The following FANCI variants were observed in gnomAD, a reference collection of about 807,000 sequenced individuals.
The protein encoded by FANCI is FA complementation group I.
Under a neutral mutation model 176.1 loss-of-function variants are expected in FANCI, and 156 were observed. The observed-to-expected ratio is 0.89, with a 90% CI of 0.78 to 1.01. The LOEUF (loss-of-function observed/expected upper bound fraction) is 1.01, where lower values mean the gene tolerates loss of function less well. Among genes scored for constraint, FANCI ranks in the 50% least tolerant of loss-of-function variants. The pLI is 0.00. For synonymous variants in FANCI, 613 were observed against 541.7 expected, an observed-to-expected ratio of 1.13 and a Z score of -1.83; for missense variants, 1,678 against 1,534.1, an observed-to-expected ratio of 1.09 and a Z score of -1.57.
intron 24 of FANCI, among the ~76,000 whole-genome samples, chr15:89,298,844 G>C (rs985709626): frequency 6.6e-6 from 1 of 152,098 alleles, no homozygotes; most frequent in Admixed American, 6.5e-5. Context: ...TAAGTTTAAT[G>C]GACAGATTTC....
At chr15:89,284,435 A>C (rs1271074968) in intron 17 of FANCI, among the ~76,000 whole-genome samples, 1 of 152,228 alleles carries the variant, frequency 6.6e-6, no homozygotes, top group Non-Finnish European at 1.5e-5. Flanking sequence ...ATTAAATATT[A>C]GGAACACTAG....
chr15:89,302,740 ATTT>A (rs1170897318), intron 27 of FANCI, among the ~76,000 whole-genome samples: 1 of 151,874 alleles, frequency 6.6e-6, no homozygotes, highest in Non-Finnish European at 1.5e-5. Context: ...CACCCGGCTA[ATTT>A]TTTGTATTTT....
rs184005103 is a variant in FANCI at position 89,305,756 on chromosome 15, T to C, written c.3349+58T>C. 3.2e-5 allele frequency: 49 copies of C among 1,544,018 alleles called. No homozygotes were observed. The Middle Eastern group carries it at 5.1e-4, about 16-fold the overall frequency. On this transcript the variant is annotated intron_variant, in intron 31 of 37. Coordinates refer to ENST00000310775, the MANE Select transcript of FANCI (RefSeq NM_001113378.2). ...GACATGAGCAAGGTCAAAATTCATA[T>C]TGGGTCGGTGCATAAAAATGGAGCC...
chr15:89,277,921 G>A (rs1034759050), intron 13 of FANCI, among the ~76,000 whole-genome samples: 3 of 152,152 alleles, frequency 2.0e-5, no homozygotes, highest in African/African-American at 7.2e-5. Flanking sequence ...TAAATCTAGT[G>A]TTCTAATCCA....
At position 89,316,888 on chromosome 15, in the gene FANCI, A is replaced by G; in HGVS notation, c.*429A>G. 1 of 1,212,102 alleles carries G rather than the reference A, an allele frequency of 8.3e-7. No homozygotes were observed. The highest frequency in any genetic ancestry group is 1.2e-6 in the Non-Finnish European group (1 of 812,926). 75.1% of individuals were successfully genotyped at this position (1,212,102 alleles called of 1,614,324 possible). A position where few individuals can be genotyped will look rare whatever the true frequency, so the allele number is the denominator to read the frequency against. On this transcript the variant is annotated 3_prime_UTR_variant, in exon 38 of 38. Coordinates refer to ENST00000310775, the MANE Select transcript of FANCI (RefSeq NM_001113378.2). Reference sequence around the variant, plus strand: ...CAAGAACTGTAACTGAGAGCTCAGAAGTGAGCAAAGGAGCTTAATGCTAAG... The same window carrying G: ...CAAGAACTGTAACTGAGAGCTCAGAGGTGAGCAAAGGAGCTTAATGCTAAG...
intron 18 of FANCI, 23 bp from the exon 19 acceptor site, chr15:89,290,190 T>A: frequency 6.3e-7 from 1 of 1,596,074 alleles, no homozygotes; most frequent in Non-Finnish European, 8.6e-7. Flanking sequence ...AAGTGCTTAT[T>A]TCTTCTCTTT....
In FANCI at chr15:89,285,100, A is replaced by C. The variant is rs555480773; in HGVS notation, c.1703A>C (p.His568Pro). The C allele has an allele frequency of 2.5e-6, 4 of 1,613,944 alleles. No individual in the cohort carries two copies. The highest frequency in any genetic ancestry group is 4.5e-5 in the East Asian group (2 of 44,866). ...CSQSLSVSQV[H>P]VDVHSHYNSV... ...ATTGGCCTGTCTTCCTTTCAGGTTC[A>C]TGTGGATGTTCACAGCCATTACAAT... Residue 568 changes from histidine to proline, a missense_variant, in exon 18 of 38, where the codon CAT (histidine) becomes CCT (proline). His to Pro is a moderately conservative substitution (Grantham distance 77). This residue lies in a region of FANCI where 1,204 missense variants were observed against 1,077.4 expected (regional missense o/e 1.12). Transcript: ENST00000310775.
Position 89,291,673 on chromosome 15 carries a change from A to T in FANCI, c.1951A>T (p.Ile651Phe). 1 of 1,613,862 alleles carries T rather than the reference A, an allele frequency of 6.2e-7. No individual in the cohort carries two copies. Among genetic ancestry groups the T allele is most frequent in the Non-Finnish European group, 8.5e-7 (1 of 1,179,836 alleles). ...GCCTCCTCTGAAATTAGAAGCTTGT[A>T]TTCTGACCCAAGGAGATAAGATCTC... ...LLPPLKLEACILTQGDKISLQ... is the reference protein window; with the variant it reads ...LLPPLKLEACFLTQGDKISLQ... Residue 651 changes from isoleucine to phenylalanine, a missense_variant, in exon 20 of 38, where the codon ATT becomes TTT. Around this residue, in one of 3 missense-constraint regions of FANCI, gnomAD observed 1,204 missense variants for 1,077.4 expected, o/e 1.12. Transcript: ENST00000310775.
chr15:89,300,406 G>T, intron 26 of FANCI, 21 bp downstream of exon 26: 1 of 1,605,590 alleles, frequency 6.2e-7, no homozygotes, highest in Non-Finnish European at 8.5e-7. Context: ...TTGCAAAGCT[G>T]CTGTACTGGC....
chr15:89,312,777 C>G (rs1567178893), intron 34 of FANCI, 127 bp from the exon 35 acceptor site: 4 of 721,120 alleles, frequency 5.5e-6, no homozygotes, highest in Admixed American at 2.6e-5. Context: ...CGACATCACG[C>G]CACTGCACAC....
At chr15:89,281,410 T>C (rs966542832) in intron 15 of FANCI, 110 bp downstream of exon 15, 32 of 1,366,330 alleles carry the variant, frequency 2.3e-5, no homozygotes, top group Admixed American at 1.6e-4. Flanking sequence ...CTATTCCACT[T>C]TAGTCTGAAA....
intron 9 of FANCI, among the ~76,000 whole-genome samples, chr15:89,267,837 G>A (rs2053033800): frequency 6.6e-6 from 1 of 152,148 alleles, no homozygotes; most frequent in South Asian, 2.1e-4. Context: ...TGAGGTGGGA[G>A]GATCGTTTGA....
Position 89,305,214 on chromosome 15 carries a change from T to C in FANCI, c.3158T>C (p.Ile1053Thr), listed in dbSNP as rs1244194817. Residue 1053 changes from isoleucine (I) to threonine (T), a missense_variant, in exon 29 of 38, where the codon ATC becomes ACC. Physicochemically the swap from Ile to Thr is moderately conservative, Grantham distance 89 (BLOSUM62 -1). Transcript: ENST00000310775. ...VILLRDLSQD[I>T]HGHLGDIDQD... ...CTGCTGCGTGACTTGTCCCAGGATA[T>C]CCACGGGCATCTGGGAGATATAGAC... 2.5e-6 allele frequency: 4 copies of C among 1,614,080 alleles called. No individual in the cohort carries two copies. The highest frequency in any genetic ancestry group is 3.4e-6 in the Non-Finnish European group (4 of 1,180,046).
chr15:89,247,571 A>G, intron 1 of FANCI, 58 bp from the exon 2 acceptor site: 1 of 1,246,302 alleles, frequency 8.0e-7, no homozygotes, highest in Admixed American at 1.7e-5. Flanking sequence ...GAAGGAAAAC[A>G]AATCAAGTTT....
At chr15:89,273,354 T>C (rs750839825) in intron 10 of FANCI, 23 bp from the exon 11 acceptor site, 2 of 1,182,276 alleles carry the variant, frequency 1.7e-6, no homozygotes, top group South Asian at 2.6e-5. Flanking sequence ...GTAAATGACT[T>C]CCTTTTGGTT....
rs1317395013 is a variant in FANCI at position 89,300,291 on chromosome 15, C to T, written c.2804-9C>T. On this transcript the variant is annotated splice_polypyrimidine_tract_variant and intron_variant, in intron 25 of 37. Transcript: ENST00000310775. Reference sequence around the variant, plus strand: ...TCAAAGAAGACAAGAGTTTCTTTTCCATTCCTAGATGTCACAGATAAGGAA... The same window carrying T: ...TCAAAGAAGACAAGAGTTTCTTTTCTATTCCTAGATGTCACAGATAAGGAA... 1 of 1,611,756 alleles carries T rather than the reference C, an allele frequency of 6.2e-7. No individual in the cohort carries two copies.
chr15:89,273,875 G>A (rs1313934941), intron 11 of FANCI, among the ~76,000 whole-genome samples: 1 of 152,136 alleles, frequency 6.6e-6, no homozygotes, highest in Non-Finnish European at 1.5e-5. Context: ...CAGGTTGTGG[G>A]TAATATTTAT....
At chr15:89,304,009 A>G in intron 28 of FANCI, 94 bp downstream of exon 28, 1 of 1,237,238 alleles carries the variant, frequency 8.1e-7, no homozygotes, top group Non-Finnish European at 1.2e-6. Context: ...CATTCATTAC[A>G]CATTCACCAG....
chr15:89,313,088 C>A, intron 35 of FANCI, 116 bp downstream of exon 35: 1 of 1,030,266 alleles, frequency 9.7e-7, no homozygotes, highest in Non-Finnish European at 1.5e-6. Flanking sequence ...TCATGAAGTG[C>A]CCAGAATAAA....
Sources: allele counts gnomAD v4.1 joint callset (sites outside exome capture counted in the v4.1 genomes callset), GRCh38; gene constraint gnomAD v4.1.1; regional missense constraint gnomAD v4.1.1; transcripts MANE v1.5; gene names NCBI Gene and HGNC (gene_info 2026-07-23, HGNC 2026-07-21).